Variants in WDR27 observed in about 807,000 individuals in gnomAD.
The protein encoded by WDR27 is WD repeat-containing protein 27.
A neutral mutation model predicts 114.4 loss-of-function variants in WDR27; 100 were observed. The ratio of observed to expected loss-of-function variants is 0.87; its 90% CI spans 0.74 to 1.03. The LOEUF (loss-of-function observed/expected upper bound fraction) is 1.03. Among genes scored for constraint, WDR27 ranks in the 50% least tolerant of loss-of-function variants. The pLI is 0.00. For missense variants in WDR27, 1,129 were observed against 1,092.9 expected (o/e 1.03, Z -0.47); for synonymous variants, 449 against 423.1 (o/e 1.06, Z -0.75).
intron 14 of WDR27, among the ~76,000 whole-genome samples, chr6:169,649,992 CTCCA>C (rs1227876400): frequency 6.7e-6 from 1 of 149,138 alleles, no homozygotes; most frequent in East Asian, 2.0e-4. Flanking sequence ...TCTCTCATCC[CTCCA>C]TCCCTCTATT....
At chr6:169,583,514 C>T (rs976825052) in intron 23 of WDR27, among the ~76,000 whole-genome samples, 1,229 of 19,966 alleles carry the variant, frequency 0.062, 21 homozygotes, top group African/African-American at 0.1. Context: ...TGTATATATA[C>T]ACACACACAC....
At chr6:169,605,681 G>T (rs1197456285) in intron 22 of WDR27, among the ~76,000 whole-genome samples, 1 of 150,266 alleles carries the variant, frequency 6.7e-6, no homozygotes, top group Admixed American at 6.7e-5. Flanking sequence ...AACAAAGCTG[G>T]AGGCATCACC....
chr6:169,441,226 C>T, the WDR27 span, among the ~76,000 whole-genome samples: 1 of 151,892 alleles, frequency 6.6e-6, no homozygotes, highest in Non-Finnish European at 1.5e-5. Context: ...GGTCTGGGTC[C>T]CTGATGTTGA....
rs548929523 is a variant in WDR27 at position 169,465,060 on chromosome 6, A to C, written c.2646-7426T>G. On this transcript the variant is annotated intron_variant, in intron 25 of 25. Transcript: ENST00000448612. The stretch of plus-strand genomic sequence containing the variant: ...GATCACCTGAGGTCAGGAGTTCAAG[A>C]GCAGCCTGACCAACATGGTGAAACC... Among the ~76,000 whole-genome samples, 5 of 151,798 alleles carry C rather than the reference A, an allele frequency of 3.3e-5. No homozygotes were observed. In the East Asian group the frequency reaches 9.7e-4, roughly 29 times the overall value.
intron 2 of WDR27, among the ~76,000 whole-genome samples, chr6:169,673,153 G>A (rs1779189002): frequency 6.6e-6 from 1 of 152,112 alleles, no homozygotes; most frequent in Non-Finnish European, 1.5e-5. Flanking sequence ...AAAAACAAAA[G>A]CAAAGGGATA....
chr6:169,570,348 A>C (rs1231440342), intron 25 of WDR27, among the ~76,000 whole-genome samples: 1 of 152,226 alleles, frequency 6.6e-6, no homozygotes, highest in African/African-American at 2.4e-5. Flanking sequence ...TGGGACCCAG[A>C]GGGAAGACAG....
chr6:169,641,363 C>T (rs1226382294), intron 17 of WDR27, among the ~76,000 whole-genome samples: 1 of 152,214 alleles, frequency 6.6e-6, no homozygotes, highest in African/African-American at 2.4e-5. Flanking sequence ...CCATGGGGGA[C>T]CACATGGGTG....
At chr6:169,640,956 A>G (rs745993288) in intron 17 of WDR27, among the ~76,000 whole-genome samples, 1 of 151,954 alleles carries the variant, frequency 6.6e-6, no homozygotes, top group African/African-American at 2.4e-5. Flanking sequence ...AGTCACTGCT[A>G]CTCATGCCCT....
intron 18 of WDR27, among the ~76,000 whole-genome samples, chr6:169,637,888 G>A (rs550463945): frequency 6.6e-6 from 1 of 151,912 alleles, no homozygotes; most frequent in East Asian, 1.9e-4. Context: ...GTGCGTATGT[G>A]TATGCATCTA....
chr6:169,644,681 A>T (rs1012293179), intron 16 of WDR27, among the ~76,000 whole-genome samples: 2 of 151,182 alleles, frequency 1.3e-5, no homozygotes, highest in Non-Finnish European at 2.9e-5. Context: ...TATGAGTCAC[A>T]CTGTAGAAAA....
intron 25 of WDR27, among the ~76,000 whole-genome samples, chr6:169,539,205 A>G (rs2128090156): frequency 6.6e-6 from 1 of 152,222 alleles, no homozygotes; most frequent in South Asian, 2.1e-4. Flanking sequence ...GCCTCACCAC[A>G]GTGTCCCAGT....
intron 25 of WDR27, among the ~76,000 whole-genome samples, chr6:169,553,788 T>C (rs1039954238): frequency 1.3e-5 from 2 of 152,310 alleles, no homozygotes; most frequent in South Asian, 4.1e-4. Context: ...AATGGGGACG[T>C]TACCGTTCAC....
At chr6:169,564,128 C>A (rs1032292057) in intron 25 of WDR27, among the ~76,000 whole-genome samples, 7 of 152,196 alleles carry the variant, frequency 4.6e-5, no homozygotes, top group Admixed American at 4.6e-4. Context: ...GGCCCAAGAG[C>A]CCCTGGCAAA....
rs147912045 is a variant in WDR27 at position 169,537,873 on chromosome 6, GT to G, written c.2645+34545del. ...AGAAGGGTTTGGGTTATGTATTAAA[GT>G]AATGACCAGGAGTGTGAAAATCATA... On this transcript the variant is annotated intron_variant, in intron 25 of 25. Transcript: ENST00000448612. Among the ~76,000 whole-genome samples the G allele has an allele frequency of 1.7e-3, 263 of 152,326 alleles. 2 individuals carry two copies. The highest frequency in any genetic ancestry group is 5.9e-3 in the African/African-American group (244 of 41,568).
At chr6:169,431,766 G>A in the WDR27 span, among the ~76,000 whole-genome samples, 1 of 152,258 alleles carries the variant, frequency 6.6e-6, no homozygotes, top group African/African-American at 2.4e-5. Context: ...TCCGTCCTGG[G>A]ACTCCAGCAT....
intron 15 of WDR27, 141 bp downstream of exon 15, chr6:169,649,057 G>C: frequency 1.8e-6 from 1 of 569,876 alleles, no homozygotes; most frequent in Non-Finnish European, 3.0e-6. Context: ...AAATAATATA[G>C]ATATACATAT....
chr6:169,537,907 A>G (rs1252296827), intron 25 of WDR27, among the ~76,000 whole-genome samples: 1 of 152,188 alleles, frequency 6.6e-6, no homozygotes, highest in South Asian at 2.1e-4. Context: ...ATATCTCAAT[A>G]AAGTTGTTTA....
chr6:169,597,506 C>T (rs112480881), intron 23 of WDR27, among the ~76,000 whole-genome samples: 2 of 152,138 alleles, frequency 1.3e-5, no homozygotes, highest in African/African-American at 4.8e-5. Context: ...CAGAGTTGAG[C>T]AGACTCAAGG....
At chr6:169,536,972 A>G (rs757075571) in intron 25 of WDR27, among the ~76,000 whole-genome samples, 55 of 152,340 alleles carry the variant, frequency 3.6e-4, no homozygotes, top group Admixed American at 9.2e-4. Context: ...ATAGACCACA[A>G]ATTTATTTAC....
Sources: allele counts gnomAD v4.1 joint callset (sites outside exome capture counted in the v4.1 genomes callset), GRCh38; gene constraint gnomAD v4.1.1; transcripts MANE v1.5; gene names NCBI Gene and HGNC (gene_info 2026-07-23, HGNC 2026-07-21).